DMD: variants seen among roughly 807,000 people sequenced by gnomAD.
DMD encodes the protein dystrophin.
Under a neutral mutation model 330.1 loss-of-function variants are expected in DMD, and 63 were observed. The ratio of observed to expected loss-of-function variants is 0.19; its 90% CI spans 0.16 to 0.24. The LOEUF (loss-of-function observed/expected upper bound fraction) is 0.24, where lower values mean the gene tolerates loss of function less well. Ranked by LOEUF, DMD falls within the 10% of genes least tolerant of loss-of-function variation. The pLI, the probability that DMD is intolerant of heterozygous loss-of-function variation, is 1.00. For missense variants in DMD, 3,344 were observed against 2,684.1 expected, an observed-to-expected ratio of 1.25 and a Z score of -5.43; for synonymous variants, 1,223 against 959.8, an observed-to-expected ratio of 1.27 and a Z score of -5.07.
chrX:31,908,248 A>C (rs747831829), intron 47 of DMD, among the ~76,000 whole-genome samples: 1 of 112,124 alleles, frequency 8.9e-6, no homozygotes, highest in South Asian at 3.7e-4. Context: ...TCATGCTGCT[A>C]TAAAGACACA....
Position 32,507,107 on chromosome X carries a change from T to A in DMD, c.2293-5265A>T, listed in dbSNP as rs185361934. Among the ~76,000 whole-genome samples, 5 of 111,769 alleles carry A rather than the reference T, an allele frequency of 4.5e-5. No individual in the cohort carries two copies. In the East Asian group the frequency reaches 1.1e-3, roughly 25 times the overall value. On this transcript the variant is annotated intron_variant, in intron 18 of 78. Transcript: ENST00000357033. ...TTAGAGGAGAAAAAATAAGCACATT[T>A]AAGTAAATATGTAATGTAAATATCA...
Position 32,023,478 on chromosome X carries a change from T to C in DMD, c.6439-54964A>G, listed in dbSNP as rs905913086. On this transcript the variant is annotated intron_variant, in intron 44 of 78. Coordinates refer to ENST00000357033, the MANE Select transcript of DMD (RefSeq NM_004006.3). ...CGACGTGTATGTCTCACTCTGTCAATAAAACTGCACTTACAAAAACAGAAA... is the reference window on the plus strand; with the variant it reads ...CGACGTGTATGTCTCACTCTGTCAACAAAACTGCACTTACAAAAACAGAAA... 5.4e-5 allele frequency among the ~76,000 whole-genome samples: 6 copies of C among 111,607 alleles called. No individual in the cohort carries two copies. In the East Asian group the frequency reaches 1.7e-3, roughly 32 times the overall value.
chrX:32,683,918 A>C (rs1228646688), intron 9 of DMD, among the ~76,000 whole-genome samples: 1 of 109,893 alleles, frequency 9.1e-6, no homozygotes, highest in African/African-American at 3.3e-5. Flanking sequence ...TTAAGACGGT[A>C]AAAATAGTAA....
intron 1 of DMD, among the ~76,000 whole-genome samples, chrX:33,079,464 T>C (rs1379151216): frequency 8.9e-6 from 1 of 111,962 alleles, no homozygotes; most frequent in Non-Finnish European, 1.9e-5. Flanking sequence ...CAATTATTAC[T>C]GATAACATAT....
At chrX:32,715,143 T>A (rs2065566566) in intron 7 of DMD, among the ~76,000 whole-genome samples, 1 of 111,167 alleles carries the variant, frequency 9.0e-6, no homozygotes, top group African/African-American at 3.3e-5. Flanking sequence ...TTTTATTCTC[T>A]CTATATAGTT....
intron 55 of DMD, chrX:31,508,270 C>G (rs2071152090): frequency 2.5e-6 from 3 of 1,201,719 alleles, no homozygotes; most frequent in East Asian, 6.0e-5. Context: ...CAGCACTGAT[C>G]CTGTTGCATA....
chrX:31,844,050 G>A (rs1249029211), intron 48 of DMD, among the ~76,000 whole-genome samples: 1 of 111,283 alleles, frequency 9.0e-6, no homozygotes, highest in Non-Finnish European at 1.9e-5. Context: ...TAGTAGAGAC[G>A]GGGTTTCACC....
At chrX:32,945,210 A>AT (rs2090717943) in intron 2 of DMD, among the ~76,000 whole-genome samples, 1 of 111,386 alleles carries the variant, frequency 9.0e-6, no homozygotes, top group African/African-American at 3.3e-5. Flanking sequence ...GTATATCACC[A>AT]AATTTCATGC....
chrX:32,433,181 C>G (rs190575047), intron 29 of DMD, among the ~76,000 whole-genome samples: 1 of 111,846 alleles, frequency 8.9e-6, no homozygotes, highest in South Asian at 3.7e-4. Context: ...TCCTTAAAAA[C>G]GGGGAAACTC....
chrX:32,272,802 C>T (rs780892295), intron 43 of DMD, among the ~76,000 whole-genome samples: 6 of 111,952 alleles, frequency 5.4e-5, no homozygotes, highest in East Asian at 5.6e-4. Flanking sequence ...GTCCATCCTA[C>T]GTGTCCAGAA....
chrX:32,599,119 G>C (rs993085708), intron 12 of DMD, among the ~76,000 whole-genome samples: 6 of 112,083 alleles, frequency 5.4e-5, no homozygotes, highest in Non-Finnish European at 1.1e-4. Context: ...ATAGCTGTAA[G>C]ACAAAAGCTA....
At chrX:32,367,990 G>A (rs997920279) in intron 34 of DMD, among the ~76,000 whole-genome samples, 1 of 111,855 alleles carries the variant, frequency 8.9e-6, no homozygotes, top group Admixed American at 9.5e-5. Flanking sequence ...TTGTATACAT[G>A]CTGTTTTGGG....
chrX:32,934,234 A>G (rs1253430145), intron 2 of DMD, among the ~76,000 whole-genome samples: 1 of 111,499 alleles, frequency 9.0e-6, no homozygotes, highest in South Asian at 3.8e-4. Context: ...GAAACAAGGT[A>G]ATAAACACTG....
intron 52 of DMD, among the ~76,000 whole-genome samples, chrX:31,692,337 C>G (rs554172808): frequency 9.0e-6 from 1 of 110,524 alleles, no homozygotes; most frequent in Non-Finnish European, 1.9e-5. Context: ...AATGAAATAC[C>G]TAACATTATA....
chrX:31,734,894 A>G (rs1245094116), intron 51 of DMD, among the ~76,000 whole-genome samples: 1 of 111,629 alleles, frequency 9.0e-6, no homozygotes, highest in East Asian at 2.8e-4. Flanking sequence ...TTTAAATTAT[A>G]CAAAACAGTT....
chrX:33,010,928 A>C (rs889605300), intron 2 of DMD, among the ~76,000 whole-genome samples: 3 of 111,335 alleles, frequency 2.7e-5, no homozygotes, highest in Non-Finnish European at 5.7e-5. Context: ...CCCACCCTAG[A>C]CCTATGGAAT....
At chrX:31,344,543 G>T (rs773270505) in intron 61 of DMD, among the ~76,000 whole-genome samples, 1 of 111,258 alleles carries the variant, frequency 9.0e-6, no homozygotes, top group Non-Finnish European at 1.9e-5. Context: ...TTTTATCTGC[G>T]CATGGTTTAA....
chrX:31,237,228 A>G (rs16989471), intron 63 of DMD, among the ~76,000 whole-genome samples: 1,468 of 112,562 alleles, frequency 0.013, 25 homozygotes, highest in African/African-American at 0.045. Flanking sequence ...AGGTGCAAGA[A>G]GAGAATCTGT....
At chrX:32,887,620 C>T (rs2084740079) in intron 2 of DMD, among the ~76,000 whole-genome samples, 1 of 102,468 alleles carries the variant, frequency 9.8e-6, no homozygotes, top group African/African-American at 3.6e-5. Context: ...TTGTGGTGAG[C>T]GCCTGTAGTC....
Sources: gnomAD v4.1 joint callset for allele counts (sites outside exome capture counted in the v4.1 genomes callset) on GRCh38, gnomAD v4.1.1 for gene constraint, MANE v1.5 for transcripts, NCBI Gene and HGNC (gene_info 2026-07-23, HGNC 2026-07-21) for gene names.